The following LIPC variants were observed in gnomAD, a reference collection of about 807,000 sequenced individuals.
LIPC encodes the protein hepatic triacylglycerol lipase.
LIPC carries 44 observed loss-of-function variants against 50.7 expected under a neutral mutation model. The ratio of observed to expected loss-of-function variants is 0.87; its 90% confidence interval spans 0.68 to 1.11. LIPC has a LOEUF of 1.11. Ranked by LOEUF, LIPC falls within the 50% of genes most tolerant of loss-of-function variation. The pLI, the probability that LIPC is intolerant of heterozygous loss-of-function variation, is 0.00. For synonymous variants in LIPC, 271 were observed against 256.4 expected (o/e 1.06, Z -0.54); for missense variants, 697 against 648.2 (o/e 1.08, Z -0.82).
In LIPC at chr15:58,563,573, T is replaced by C. The variant is rs569503516; in HGVS notation, c.1238T>C (p.Leu413Pro). 490 of 1,614,200 alleles carry C rather than the reference T, an allele frequency of 3.0e-4. 6 individuals are homozygous for C. In the South Asian group the frequency reaches 5.2e-3, roughly 17 times the overall value. Residue 413 changes from leucine (L) to proline (P), a missense_variant, in exon 8 of 9, where the codon CTG (leucine) becomes CCG (proline). Transcript: ENST00000299022. ...LITLDVDIGE[L>P]IMIKFKWENS... Reference sequence around the variant, plus strand: ...ACGCTGGATGTGGATATCGGCGAGCTGATCATGATCAAGTTCAAGTGGGAA... The same window carrying C: ...ACGCTGGATGTGGATATCGGCGAGCCGATCATGATCAAGTTCAAGTGGGAA...
At chr15:58,473,121 A>G (rs1890869031) in intron 1 of LIPC, among the ~76,000 whole-genome samples, 1 of 152,108 alleles carries the variant, frequency 6.6e-6, no homozygotes, top group Non-Finnish European at 1.5e-5. Context: ...TCATGCCTCA[A>G]CCAAGGATCA....
chr15:58,459,679 G>C (rs1894267608), intron 1 of LIPC, among the ~76,000 whole-genome samples: 1 of 152,258 alleles, frequency 6.6e-6, no homozygotes, highest in African/African-American at 2.4e-5. Context: ...CACTGGGATT[G>C]AAAATCAGCC....
rs1458100990 is a variant in LIPC, at chr15:58,567,212, A to ATAT, written c.1389-1504_1389-1503insTAT. 7.7e-3 allele frequency among the ~76,000 whole-genome samples: 1,075 copies of ATAT among 139,260 alleles called. 33 individuals are homozygous for ATAT. The highest frequency in any genetic ancestry group is 0.018 in the South Asian group (79 of 4,474). The allele number at this position is 139,260 out of a possible 152,430, so 91.4% of individuals were successfully genotyped here. Reference sequence around the variant, plus strand: ...CGAGACTCCGTCTCAAAAAAAATAAAAAATATATATATATATATGTATATA... The same window carrying ATAT: ...CGAGACTCCGTCTCAAAAAAAATAAATATAAATATATATATATATATGTATATA... On this transcript the variant is annotated intron_variant, in intron 8 of 8. Coordinates refer to ENST00000299022, the MANE Select transcript of LIPC (RefSeq NM_000236.3).
rs1029223885 is a variant in LIPC, at chr15:58,539,532, C to T, written c.273+1015C>T. ...CCTGCCTCCCCAGTGTCTAGCCCACCCATGATTTCAAGCATAGTTCACAAT... is the reference window on the plus strand; with the variant it reads ...CCTGCCTCCCCAGTGTCTAGCCCACTCATGATTTCAAGCATAGTTCACAAT... On this transcript the variant is annotated intron_variant, in intron 2 of 8. Transcript: ENST00000299022. Among the ~76,000 whole-genome samples the T allele has an allele frequency of 3.3e-5, 5 of 152,230 alleles. No individual in the cohort carries two copies. The East Asian group carries it at 9.6e-4, about 29-fold the overall frequency.
chr15:58,555,414 T>G (rs1893905405), intron 6 of LIPC, among the ~76,000 whole-genome samples: 1 of 152,094 alleles, frequency 6.6e-6, no homozygotes, highest in Non-Finnish European at 1.5e-5. Flanking sequence ...ACCACAGCTT[T>G]TCTTCAGGGG....
At chr15:58,560,322 T>C (rs1303617552) in intron 6 of LIPC, among the ~76,000 whole-genome samples, 1 of 152,216 alleles carries the variant, frequency 6.6e-6, no homozygotes, top group African/African-American at 2.4e-5. Context: ...AATACACTTA[T>C]TGAAACTCAC....
At chr15:58,514,110 AC>A (rs1236762083) in intron 1 of LIPC, among the ~76,000 whole-genome samples, 1 of 152,202 alleles carries the variant, frequency 6.6e-6, no homozygotes, top group Non-Finnish European at 1.5e-5. Context: ...AAAAGCCCCC[AC>A]TGGCATCAAG....
chr15:58,436,628 G>C (rs1451987217), intron 1 of LIPC: 10 of 430,300 alleles, frequency 2.3e-5, no homozygotes, highest in Non-Finnish European at 4.7e-5. Flanking sequence ...TCCGTTCTGT[G>C]TGTCAAATAC....
intron 5 of LIPC, among the ~76,000 whole-genome samples, chr15:58,546,496 C>T (rs1460724128): frequency 6.6e-6 from 1 of 152,174 alleles, no homozygotes; most frequent in Admixed American, 6.5e-5. Context: ...TCAAATATGT[C>T]CTTGTTATGC....
At chr15:58,522,396 C>G (rs1446175441) in intron 1 of LIPC, 2 of 152,538 alleles carry the variant, frequency 1.3e-5, no homozygotes, top group East Asian at 3.9e-4. Context: ...TCTTAGGATG[C>G]ATTATATTCG....
chr15:58,559,643 C>G (rs1346398959), intron 6 of LIPC, among the ~76,000 whole-genome samples: 2 of 150,550 alleles, frequency 1.3e-5, no homozygotes, highest in African/African-American at 2.5e-5. Flanking sequence ...GAGGTCAAGG[C>G]TGCAGTAAGC....
rs144748732 is a variant in LIPC, at chr15:58,438,693, C to T, written c.88+6573C>T. ...CCCTGGAGGAGTCAGGGCGCCCACCCGGCTGCCCCACAGAAGGTGCAATTC... is the reference window on the plus strand; with the variant it reads ...CCCTGGAGGAGTCAGGGCGCCCACCTGGCTGCCCCACAGAAGGTGCAATTC... On this transcript the variant is annotated intron_variant, in intron 1 of 8. Coordinates refer to ENST00000299022, the MANE Select transcript of LIPC (RefSeq NM_000236.3). 4.9e-3 allele frequency among the ~76,000 whole-genome samples: 747 copies of T among 152,262 alleles called. 6 individuals carry two copies. Among genetic ancestry groups the T allele is most frequent in the African/African-American group, 0.015 (641 of 41,566 alleles).
chr15:58,532,697 C>T (rs954416462), intron 1 of LIPC, among the ~76,000 whole-genome samples: 3 of 152,144 alleles, frequency 2.0e-5, no homozygotes, highest in African/African-American at 4.8e-5. Flanking sequence ...GCATCATGGG[C>T]GGGAGGCAGA....
chr15:58,566,428 T>A, intron 8 of LIPC: 5 of 985,092 alleles, frequency 5.1e-6, no homozygotes, highest in South Asian at 4.7e-5. Flanking sequence ...GACTCAGTTG[T>A]TTAGTGATAA....
At chr15:58,438,312 C>T (rs1425465850) in intron 1 of LIPC, among the ~76,000 whole-genome samples, 2 of 152,104 alleles carry the variant, frequency 1.3e-5, no homozygotes, top group Non-Finnish European at 1.5e-5. Flanking sequence ...CCACCCAGGC[C>T]TCAGCCTGGG....
At chr15:58,500,526 G>A (rs1364526126) in intron 1 of LIPC, among the ~76,000 whole-genome samples, 3 of 152,180 alleles carry the variant, frequency 2.0e-5, no homozygotes, top group African/African-American at 7.2e-5. Context: ...GCTTCAGACA[G>A]CGCAGTCTAC....
chr15:58,549,932 G>C lies in LIPC; in HGVS notation c.1051+1360G>C, dbSNP rs771741031. On this transcript the variant is annotated intron_variant, in intron 6 of 8. Transcript: ENST00000299022. ...ATTAAAGACTCATTTGGGTGAACCAGCTCCTCTTTTAAATGGCAATGCCGC... is the reference window on the plus strand; with the variant it reads ...ATTAAAGACTCATTTGGGTGAACCACCTCCTCTTTTAAATGGCAATGCCGC... Among the ~76,000 whole-genome samples, 2 of 152,222 alleles carry C rather than the reference G, an allele frequency of 1.3e-5. 1 individual carries two copies. The highest frequency in any genetic ancestry group is 2.9e-5 in the Non-Finnish European group (2 of 68,050).
At chr15:58,466,039 G>C (rs1690055590) in intron 1 of LIPC, among the ~76,000 whole-genome samples, 1 of 152,208 alleles carries the variant, frequency 6.6e-6, no homozygotes, top group South Asian at 2.1e-4. Flanking sequence ...ACCAACAGAT[G>C]TTTGGGCTGT....
chr15:58,456,797 T>C (rs1894135314), intron 1 of LIPC, among the ~76,000 whole-genome samples: 1 of 152,266 alleles, frequency 6.6e-6, no homozygotes, highest in Admixed American at 6.5e-5. Flanking sequence ...TTTTAGGGCT[T>C]CACCACTGCT....
Sources: gnomAD v4.1 joint callset for allele counts (sites outside exome capture counted in the v4.1 genomes callset) on GRCh38, gnomAD v4.1.1 for gene constraint, MANE v1.5 for transcripts, NCBI Gene and HGNC (gene_info 2026-07-23, HGNC 2026-07-21) for gene names.